CACNA1C: variants seen among roughly 807,000 people sequenced by gnomAD.
The protein encoded by CACNA1C is calcium voltage-gated channel subunit alpha1 C, also known as voltage-dependent L-type calcium channel subunit alpha-1C.
Under a neutral mutation model 229.0 loss-of-function variants are expected in CACNA1C, and 30 were observed. The ratio of observed to expected loss-of-function variants is 0.13; its 90% confidence interval spans 0.10 to 0.18. The LOEUF is 0.18. Ranked by LOEUF, CACNA1C falls within the 10% of genes least tolerant of loss-of-function variation. The pLI is 1.00. For missense variants in CACNA1C, 1,658 were observed against 2,845.0 expected (o/e 0.58, Z 9.49); for synonymous variants, 1,114 against 1,132.5 (o/e 0.98, Z 0.33).
rs191474945 is a variant in CACNA1C at position 2,292,624 on chromosome 12, A to G, written c.478-156352A>G. ...GACGTTTACTAAATACTGTACCGGCACTGGCAGGCAGGCTAGAGGGACTGA... is the reference window on the plus strand; with the variant it reads ...GACGTTTACTAAATACTGTACCGGCGCTGGCAGGCAGGCTAGAGGGACTGA... On this transcript the variant is annotated intron_variant, in intron 3 of 46. Transcript: ENST00000399655. Among the ~76,000 whole-genome samples the G allele has an allele frequency of 1.7e-3, 258 of 152,322 alleles. 2 individuals are homozygous for G. Among genetic ancestry groups the G allele is most frequent in the African/African-American group, 5.9e-3 (246 of 41,582 alleles).
chr12:2,441,588 G>A (rs2099227188), intron 3 of CACNA1C, among the ~76,000 whole-genome samples: 1 of 152,202 alleles, frequency 6.6e-6, no homozygotes, highest in Admixed American at 6.5e-5. Context: ...ACAAACCAGG[G>A]CCTGGCGGTC....
chr12:2,277,382 C>G lies in CACNA1C; in HGVS notation c.477+156952C>G, dbSNP rs919634311. Among the ~76,000 whole-genome samples, 552 of 126,694 alleles carry G rather than the reference C, an allele frequency of 4.4e-3. 5 individuals carry two copies. The highest frequency in any genetic ancestry group is 0.014 in the African/African-American group (475 of 33,774). 83.1% of individuals were successfully genotyped at this position (126,694 alleles called of 152,430 possible). A position where few individuals can be genotyped will look rare whatever the true frequency, so the allele number is the denominator to read the frequency against. On this transcript the variant is annotated intron_variant, in intron 3 of 46. Coordinates refer to ENST00000399655, the MANE Select transcript of CACNA1C (RefSeq NM_000719.7). ...AGACAGACACACACACACACACACA[C>G]ACACACACACACACACACACACACA...
intron 3 of CACNA1C, among the ~76,000 whole-genome samples, chr12:2,187,010 G>T (rs1485037708): frequency 1.3e-5 from 2 of 152,002 alleles, no homozygotes; most frequent in Non-Finnish European, 2.9e-5. Context: ...CTGTCCTGCT[G>T]CCCCCTTGCC....
chr12:2,021,236 C>T (rs908182910), intron 1 of CACNA1C, among the ~76,000 whole-genome samples: 1 of 152,122 alleles, frequency 6.6e-6, no homozygotes, highest in East Asian at 1.9e-4. Context: ...GAAGCTGAGG[C>T]TCAGAGAGCT....
chr12:2,264,351 T>C (rs1468429150), intron 3 of CACNA1C, among the ~76,000 whole-genome samples: 2 of 152,192 alleles, frequency 1.3e-5, no homozygotes, highest in African/African-American at 4.8e-5. Context: ...TCCAGGGAGA[T>C]GAAATTGGCA....
At chr12:2,398,550 G>T (rs2098629189) in intron 3 of CACNA1C, among the ~76,000 whole-genome samples, 1 of 152,208 alleles carries the variant, frequency 6.6e-6, no homozygotes. Context: ...AAGCTGGACA[G>T]CTGGGGGCCT....
rs770923308 is a variant in CACNA1C at position 2,693,439 on chromosome 12, T to G, written c.*2240T>G. The G allele has an allele frequency of 1.3e-5, 2 of 152,202 alleles. No homozygotes were observed. Among genetic ancestry groups the G allele is most frequent in the Non-Finnish European group, 2.9e-5 (2 of 68,044 alleles). 9.4% of individuals were successfully genotyped at this position (152,202 alleles called of 1,614,324 possible). A position where few individuals can be genotyped will look rare whatever the true frequency, so the allele number is the denominator to read the frequency against. Reference sequence around the variant, plus strand: ...AGGCTGCTTGGAGGGAGGGGCATCCTCACTTCCGGATTCTTGTTGCTCTAC... The same window carrying G: ...AGGCTGCTTGGAGGGAGGGGCATCCGCACTTCCGGATTCTTGTTGCTCTAC... On this transcript the variant is annotated 3_prime_UTR_variant, in exon 47 of 47. Coordinates refer to ENST00000399655, the MANE Select transcript of CACNA1C (RefSeq NM_000719.7).
At position 2,665,077 on chromosome 12, in the gene CACNA1C, C is replaced by A; in HGVS notation, c.4398+87C>A. 7.2e-7 allele frequency: 1 copy of A among 1,391,998 alleles called. No homozygotes were observed. Among genetic ancestry groups the A allele is most frequent in the Non-Finnish European group, 1.0e-6 (1 of 991,718 alleles). The allele number at this position is 1,391,998 out of a possible 1,614,324, so 86.2% of individuals were successfully genotyped here. ...ACCGTCCATCTCTGCAGCTCATGGT[C>A]AGGGCAACCCTATCAGAGGAGCTGG... is the stretch of plus-strand genomic sequence containing the variant. On this transcript the variant is annotated intron_variant, in intron 35 of 46. Coordinates refer to ENST00000399655, the MANE Select transcript of CACNA1C (RefSeq NM_000719.7). This position sits in a 1 kb window ranked among gnomAD's most constrained non-coding sequence, Gnocchi z 5.9.
At chr12:2,337,936 C>T (rs1430300147) in intron 3 of CACNA1C, among the ~76,000 whole-genome samples, 1 of 152,220 alleles carries the variant, frequency 6.6e-6, no homozygotes, top group Non-Finnish European at 1.5e-5. Context: ...TAGTATCCCA[C>T]AGGCAGCCCC....
At chr12:2,223,478 A>G (rs954761432) in intron 3 of CACNA1C, 5 of 152,214 alleles carry the variant, frequency 3.3e-5, no homozygotes, top group Admixed American at 2.0e-4. Context: ...GCCATTTTGA[A>G]TAAGGGCCCC....
chr12:2,000,987 T>C (rs867279095), intron 1 of CACNA1C, among the ~76,000 whole-genome samples: 6 of 149,028 alleles, frequency 4.0e-5, no homozygotes, highest in Non-Finnish European at 8.9e-5. Flanking sequence ...CAGTGAGCCA[T>C]GGTCACGCCA....
chr12:2,125,628 T>C (rs1327329399), intron 3 of CACNA1C, among the ~76,000 whole-genome samples: 1 of 152,150 alleles, frequency 6.6e-6, no homozygotes. Context: ...AAAATGCATG[T>C]TCCCAGGCCC....
chr12:2,236,865 C>T (rs1357657652), intron 3 of CACNA1C, among the ~76,000 whole-genome samples: 1 of 152,168 alleles, frequency 6.6e-6, no homozygotes, highest in Non-Finnish European at 1.5e-5. Flanking sequence ...CAGTGAGGGG[C>T]TTCTGTTTAC....
chr12:2,382,540 A>G (rs549506634), intron 3 of CACNA1C, among the ~76,000 whole-genome samples: 7 of 152,182 alleles, frequency 4.6e-5, no homozygotes, highest in Non-Finnish European at 8.8e-5. Context: ...TAAATTGGCA[A>G]TTCACATTTC....
At position 2,677,831 on chromosome 12, in the gene CACNA1C, GGCTGTGTCC is replaced by G; in HGVS notation, c.5060_5068del (p.Val1687_Ala1689del). ...AGGAGCTGGACAAGGCCATGAAGGA[GGCTGTGTCC>G]GCTGCTTCTGAAGATGACATCTTCA... On this transcript the variant is annotated inframe_deletion, in exon 41 of 47. Coordinates refer to ENST00000399655, the MANE Select transcript of CACNA1C (RefSeq NM_000719.7). The surrounding 1 kb of genome is among the most constrained non-coding windows in gnomAD (Gnocchi z 7.4). 1 of 1,613,992 alleles carries G rather than the reference GGCTGTGTCC, an allele frequency of 6.2e-7. No individual in the cohort carries two copies. Among genetic ancestry groups the G allele is most frequent in the Non-Finnish European group, 8.5e-7 (1 of 1,179,866 alleles).
intron 1 of CACNA1C, among the ~76,000 whole-genome samples, chr12:2,047,760 A>G (rs570446924): frequency 4.6e-5 from 7 of 152,344 alleles, no homozygotes; most frequent in Admixed American, 1.3e-4. Flanking sequence ...GATTGATTGC[A>G]GAGATTAGAC....
In CACNA1C at chr12:2,125,064, G is replaced by C. The variant is rs368681806; in HGVS notation, c.477+4634G>C. Among the ~76,000 whole-genome samples the C allele has an allele frequency of 2.7e-4, 41 of 152,216 alleles. No individual in the cohort carries two copies. The South Asian group carries it at 8.1e-3, about 30-fold the overall frequency. On this transcript the variant is annotated intron_variant, in intron 3 of 46. Transcript: ENST00000399655. Reference sequence around the variant, plus strand: ...GACCACAGCCAGACCCTGGAGAACAGTGACGTTTGCAGAGGGTGGAGGAAG... The same window carrying C: ...GACCACAGCCAGACCCTGGAGAACACTGACGTTTGCAGAGGGTGGAGGAAG...
chr12:2,290,715 G>T (rs2093401408), intron 3 of CACNA1C, among the ~76,000 whole-genome samples: 1 of 152,066 alleles, frequency 6.6e-6, no homozygotes. Context: ...CTGCCTCCAG[G>T]GCTGCTCCAC....
chr12:2,376,296 C>T (rs1426857260), intron 3 of CACNA1C, among the ~76,000 whole-genome samples: 5 of 152,190 alleles, frequency 3.3e-5, no homozygotes, highest in Admixed American at 2.0e-4. Flanking sequence ...AGCCACTAAA[C>T]TCTGAGCCTC....
Sources: gnomAD v4.1 joint callset for allele counts (sites outside exome capture counted in the v4.1 genomes callset) on GRCh38, gnomAD v4.1.1 for gene constraint, Gnocchi (gnomAD v3.1) non-coding constraint, MANE v1.5 for transcripts, NCBI Gene and HGNC (gene_info 2026-07-23, HGNC 2026-07-21) for gene names.